MOCS1: variants seen among roughly 807,000 people sequenced by gnomAD.
MOCS1 encodes molybdenum cofactor synthesis 1.
In MOCS1, 39 loss-of-function variants were observed where a neutral mutation model predicts 57.6. The observed-to-expected ratio is 0.68, with a 90% CI of 0.52 to 0.88. MOCS1 has a LOEUF of 0.88. Ranked by LOEUF, MOCS1 falls within the 40% of genes least tolerant of loss-of-function variation. The pLI is 0.00. For missense variants in MOCS1, 795 were observed against 831.1 expected (o/e 0.96, Z 0.53); for synonymous variants, 334 against 335.7 (o/e 1.00, Z 0.05).
At position 39,905,893 on chromosome 6, in the gene MOCS1, G is replaced by T; in HGVS notation, c.*464C>A. 2.1e-6 allele frequency: 1 copy of T among 469,038 alleles called. No individual in the cohort carries two copies. The allele number at this position is 469,038 out of a possible 1,614,324, so 29.1% of individuals were successfully genotyped here. On this transcript the variant is annotated 3_prime_UTR_variant, in exon 11 of 11. Transcript: ENST00000340692. Reference sequence around the variant, plus strand: ...GGCAGAGCTGCCGGGGAGAAGTTGGGATCCATTCTTCAGGCAAGCTTGTGC... The same window carrying T: ...GGCAGAGCTGCCGGGGAGAAGTTGGTATCCATTCTTCAGGCAAGCTTGTGC...
intron 3 of MOCS1, among the ~76,000 whole-genome samples, chr6:39,922,130 T>C (rs1172093652): frequency 6.6e-6 from 1 of 152,206 alleles, no homozygotes; most frequent in Non-Finnish European, 1.5e-5. Context: ...TAACTTTCAC[T>C]GTCCAACACA....
intron 5 of MOCS1, 97 bp from the exon 6 acceptor site, chr6:39,913,525 CAG>C: frequency 9.1e-7 from 1 of 1,093,704 alleles, no homozygotes; most frequent in Non-Finnish European, 1.4e-6. Context: ...GCCTTCCACT[CAG>C]GGACCCATTC....
chr6:39,919,701 T>C (rs1397537621), intron 3 of MOCS1, among the ~76,000 whole-genome samples: 2 of 152,160 alleles, frequency 1.3e-5, no homozygotes, highest in South Asian at 2.1e-4. Flanking sequence ...CAGAACAAAG[T>C]AGAACTTGAA....
At chr6:39,929,241 ATCACAACAG>A (rs1768517441) in intron 1 of MOCS1, among the ~76,000 whole-genome samples, 1 of 152,116 alleles carries the variant, frequency 6.6e-6, no homozygotes, top group African/African-American at 2.4e-5. Flanking sequence ...GTCTGCTATA[ATCACAACAG>A]TCACTTCCTC....
intron 3 of MOCS1, among the ~76,000 whole-genome samples, chr6:39,923,524 C>T (rs1382505938): frequency 6.6e-6 from 1 of 152,274 alleles, no homozygotes; most frequent in Non-Finnish European, 1.5e-5. Flanking sequence ...GGTCCTGGCA[C>T]AAGGCGGCCC....
intron 4 of MOCS1, 90 bp downstream of exon 4, chr6:39,915,978 T>G: frequency 7.0e-7 from 1 of 1,429,222 alleles, no homozygotes; most frequent in Non-Finnish European, 9.6e-7. Context: ...CAAGAGGAAG[T>G]GACCAGGCCC....
intron 1 of MOCS1, among the ~76,000 whole-genome samples, chr6:39,928,523 G>A (rs372875813): frequency 6.6e-6 from 1 of 152,272 alleles, no homozygotes; most frequent in East Asian, 1.9e-4. Context: ...AAGATAGGGA[G>A]GATGACAACT....
chr6:39,911,526 C>T (rs1767327040), intron 8 of MOCS1, among the ~76,000 whole-genome samples: 1 of 152,206 alleles, frequency 6.6e-6, no homozygotes, highest in African/African-American at 2.4e-5. Context: ...GGGATGTCTC[C>T]CCTGTTCAGG....
rs1425889359 is a variant in MOCS1, at chr6:39,934,426, A to G, written c.-9T>C. 1 of 1,566,854 alleles carries G rather than the reference A, an allele frequency of 6.4e-7. No individual in the cohort carries two copies. Among genetic ancestry groups the G allele is most frequent in the South Asian group, 1.2e-5 (1 of 86,222 alleles). The stretch of plus-strand genomic sequence containing the variant: ...AGTGGCCGCGCCGCCATGAAGCCTG[A>G]TACGAGCGGAACCGCAGCCCGCTTC... On this transcript the variant is annotated 5_prime_UTR_variant, in exon 1 of 11. Coordinates refer to ENST00000340692, the MANE Select transcript of MOCS1 (RefSeq NM_001358530.2).
At position 39,913,134 on chromosome 6, in the gene MOCS1, G is replaced by T; in HGVS notation, c.758-130C>A. On this transcript the variant is annotated intron_variant, in intron 6 of 10. Transcript: ENST00000340692. The stretch of plus-strand genomic sequence containing the variant: ...CAGCCTCTTGGAAGGGAGGGACGGG[G>T]GCTCTGCCTAAAACTGGTGGATTGA... The T allele has an allele frequency of 3.3e-6, 3 of 921,104 alleles. No individual in the cohort carries two copies. In the South Asian group the frequency reaches 3.9e-5, roughly 12 times the overall value. The allele number at this position is 921,104 out of a possible 1,614,324, so 57.1% of individuals were successfully genotyped here. A position where few individuals can be genotyped will look rare whatever the true frequency, so the allele number is the denominator to read the frequency against.
chr6:39,904,240 T>C lies in MOCS1; in HGVS notation c.*2117A>G, dbSNP rs781747650. ...GTTGACAGAGGACACAAATACGTTG[T>C]TCCAGAGCTCAGCCTTCTCACTCTA... On this transcript the variant is annotated 3_prime_UTR_variant, in exon 11 of 11. Transcript: ENST00000340692. 2.2e-6 allele frequency: 1 copy of C among 456,796 alleles called. No individual in the cohort carries two copies. Among genetic ancestry groups the C allele is most frequent in the South Asian group, 1.5e-5 (1 of 64,574 alleles). 28.3% of individuals were successfully genotyped at this position (456,796 alleles called of 1,614,324 possible).
At chr6:39,911,340 C>T (rs1767314092) in intron 8 of MOCS1, among the ~76,000 whole-genome samples, 1 of 152,124 alleles carries the variant, frequency 6.6e-6, no homozygotes, top group African/African-American at 2.4e-5. Flanking sequence ...TAAAAGATCC[C>T]AAGGCCTTCC....
chr6:39,933,573 C>G (rs993033505), intron 1 of MOCS1, among the ~76,000 whole-genome samples: 1 of 152,036 alleles, frequency 6.6e-6, no homozygotes, highest in African/African-American at 2.4e-5. Context: ...GTACTTTTCC[C>G]CCCAAATTAT....
intron 8 of MOCS1, 66 bp from the exon 9 acceptor site, chr6:39,910,021 GCTAA>G: frequency 6.2e-7 from 1 of 1,603,132 alleles, no homozygotes; most frequent in Non-Finnish European, 8.5e-7. Flanking sequence ...CCTCTGAGGA[GCTAA>G]CTCCTTCCCT....
intron 10 of MOCS1, 73 bp from the exon 11 acceptor site, chr6:39,907,190 A>G: frequency 1.4e-6 from 2 of 1,450,272 alleles, no homozygotes. Flanking sequence ...CTACTCCCCA[A>G]CCCTCTCCCT....
At position 39,908,956 on chromosome 6, in the gene MOCS1, C is replaced by T; in HGVS notation, c.1150+99G>A. The stretch of plus-strand genomic sequence containing the variant: ...AAGAAAAACAAGGATGAGAAATCAG[C>T]ATGAAATGCAGGAGCTGGGGGTGCC... On this transcript the variant is annotated intron_variant, in intron 10 of 10. Transcript: ENST00000340692. 7.1e-6 allele frequency: 7 copies of T among 981,710 alleles called. No individual in the cohort carries two copies. In the East Asian group the frequency reaches 1.4e-4, roughly 20 times the overall value. 60.8% of individuals were successfully genotyped at this position (981,710 alleles called of 1,614,324 possible). A position where few individuals can be genotyped will look rare whatever the true frequency, so the allele number is the denominator to read the frequency against.
At chr6:39,922,876 G>A (rs763832692) in intron 3 of MOCS1, among the ~76,000 whole-genome samples, 4 of 152,186 alleles carry the variant, frequency 2.6e-5, no homozygotes, top group African/African-American at 4.8e-5. Flanking sequence ...ACAAGTGTTC[G>A]TGAACATCCT....
rs138750528 is a variant in MOCS1, at chr6:39,905,353, G to T, written c.*1004C>A. The T allele has an allele frequency of 1.4e-3, 639 of 459,488 alleles. 3 individuals carry two copies. Among genetic ancestry groups the T allele is most frequent in the African/African-American group, 0.011 (547 of 50,154 alleles). The allele number at this position is 459,488 out of a possible 1,614,324, so 28.5% of individuals were successfully genotyped here. A position where few individuals can be genotyped will look rare whatever the true frequency, so the allele number is the denominator to read the frequency against. On this transcript the variant is annotated 3_prime_UTR_variant, in exon 11 of 11. Transcript: ENST00000340692. ...CCCTACTCCACTTTATTTTCCCATA[G>T]CGGGGCTATACAGAGAGTACACCCT...
intron 1 of MOCS1, among the ~76,000 whole-genome samples, chr6:39,930,058 C>T (rs961457902): frequency 6.6e-6 from 1 of 152,174 alleles, no homozygotes. Context: ...GCAGACTGCA[C>T]CACCCGTTCT....
Sources: allele counts gnomAD v4.1 joint callset (sites outside exome capture counted in the v4.1 genomes callset), GRCh38; gene constraint gnomAD v4.1.1; transcripts MANE v1.5; gene names NCBI Gene and HGNC (gene_info 2026-07-23, HGNC 2026-07-21).